The following CAMTA1 variants were observed in gnomAD, a reference collection of about 807,000 sequenced individuals.
CAMTA1 encodes calmodulin binding transcription activator 1.
CAMTA1 carries 27 observed loss-of-function variants against 170.9 expected under a neutral mutation model. The ratio of observed to expected loss-of-function variants is 0.16; its 90% CI spans 0.12 to 0.22. The LOEUF (loss-of-function observed/expected upper bound fraction) is 0.22, where lower values mean the gene tolerates loss of function less well. Among genes scored for constraint, CAMTA1 ranks in the 10% least tolerant of loss-of-function variants. The probability of loss-of-function intolerance (pLI) is 1.00; values close to 1 mark genes in which losing one functional copy is unlikely to be tolerated. For synonymous variants in CAMTA1, 833 were observed against 891.5 expected (o/e 0.93, Z 1.17); for missense variants, 1,619 against 2,217.2 (o/e 0.73, Z 5.42).
intron 3 of CAMTA1, among the ~76,000 whole-genome samples, chr1:6,870,443 AATC>A (rs1668083543): frequency 6.6e-6 from 1 of 152,198 alleles, no homozygotes; most frequent in African/African-American, 2.4e-5. Flanking sequence ...AACAAAACCT[AATC>A]ACAGGAACAA....
chr1:7,222,968 A>G (rs1661063990), intron 4 of CAMTA1, among the ~76,000 whole-genome samples: 1 of 152,240 alleles, frequency 6.6e-6, no homozygotes, highest in East Asian at 1.9e-4. Context: ...TGACCAGAAA[A>G]TACCAACTCA....
At chr1:7,076,205 C>A (rs1054085746) in intron 3 of CAMTA1, among the ~76,000 whole-genome samples, 5 of 152,184 alleles carry the variant, frequency 3.3e-5, no homozygotes, top group Non-Finnish European at 5.9e-5. Context: ...TCACGTTGGA[C>A]AAGAAGGGCC....
At chr1:6,951,558 A>C (rs184556141) in intron 3 of CAMTA1, among the ~76,000 whole-genome samples, 1 of 152,168 alleles carries the variant, frequency 6.6e-6, no homozygotes, top group Non-Finnish European at 1.5e-5. Context: ...CCCCAGGACT[A>C]TTGGGAAGAA....
At chr1:7,711,881 A>C (rs1025043155) in intron 11 of CAMTA1, among the ~76,000 whole-genome samples, 4 of 152,232 alleles carry the variant, frequency 2.6e-5, no homozygotes, top group Non-Finnish European at 5.9e-5. Context: ...TATTTCCCAG[A>C]AAAACAGTGC....
chr1:7,473,828 T>C (rs935149538), intron 6 of CAMTA1, among the ~76,000 whole-genome samples: 6 of 152,248 alleles, frequency 3.9e-5, no homozygotes, highest in Admixed American at 6.5e-5. Flanking sequence ...AGTGTAGTTT[T>C]TCTCCACTGA....
intron 4 of CAMTA1, among the ~76,000 whole-genome samples, chr1:7,138,870 C>T (rs1181301634): frequency 6.6e-6 from 1 of 151,574 alleles, no homozygotes; most frequent in African/African-American, 2.4e-5. Flanking sequence ...TGGTGTGTGC[C>T]TGTAATCCCA....
chr1:7,611,155 G>C (rs1229537117), intron 6 of CAMTA1, among the ~76,000 whole-genome samples: 4 of 152,278 alleles, frequency 2.6e-5, no homozygotes, highest in Admixed American at 2.0e-4. Flanking sequence ...CTGGGCCATG[G>C]TGCGGGCCTA....
intron 5 of CAMTA1, among the ~76,000 whole-genome samples, chr1:7,338,913 G>A (rs1476582964): frequency 1.3e-5 from 2 of 152,194 alleles, no homozygotes; most frequent in East Asian, 3.8e-4. Context: ...AGCATGGCTG[G>A]AGAGGCCTCA....
intron 11 of CAMTA1, among the ~76,000 whole-genome samples, chr1:7,687,634 G>A (rs1372095677): frequency 1.3e-5 from 2 of 152,152 alleles, no homozygotes; most frequent in African/African-American, 2.4e-5. Context: ...CCCGTCCCCT[G>A]CTTTTCCCAT....
chr1:6,995,543 C>T (rs763795653), intron 3 of CAMTA1, among the ~76,000 whole-genome samples: 2 of 152,056 alleles, frequency 1.3e-5, no homozygotes, highest in Non-Finnish European at 2.9e-5. Context: ...ACCTCGTGAT[C>T]CGCCTGCCTT....
chr1:7,514,936 C>A (rs1282391280), intron 6 of CAMTA1, among the ~76,000 whole-genome samples: 1 of 152,192 alleles, frequency 6.6e-6, no homozygotes, highest in Non-Finnish European at 1.5e-5. Context: ...GTCTGTTCCT[C>A]CTACTCCCCT....
chr1:6,975,805 A>G (rs1289378758), intron 3 of CAMTA1, among the ~76,000 whole-genome samples: 1 of 152,138 alleles, frequency 6.6e-6, no homozygotes, highest in Non-Finnish European at 1.5e-5. Context: ...TATCACCCCC[A>G]AGCCCCCAAC....
intron 6 of CAMTA1, among the ~76,000 whole-genome samples, chr1:7,506,470 C>T (rs2094112243): frequency 6.6e-6 from 1 of 151,988 alleles, no homozygotes; most frequent in African/African-American, 2.4e-5. Context: ...CTCATACTAA[C>T]ACTCAAAATT....
At chr1:7,698,037 C>A (rs2096395052) in intron 11 of CAMTA1, among the ~76,000 whole-genome samples, 1 of 149,688 alleles carries the variant, frequency 6.7e-6, no homozygotes, top group South Asian at 2.1e-4. Context: ...AGCATAGGGG[C>A]ACCTGCTCTG....
chr1:6,799,731 A>G (rs1002440936), intron 1 of CAMTA1, among the ~76,000 whole-genome samples: 9 of 152,134 alleles, frequency 5.9e-5, no homozygotes, highest in Admixed American at 5.9e-4. Context: ...ATAAAACAGA[A>G]CAGTTGCAGC....
chr1:7,375,254 G>A (rs542623371), intron 5 of CAMTA1, among the ~76,000 whole-genome samples: 5 of 152,240 alleles, frequency 3.3e-5, no homozygotes, highest in African/African-American at 7.2e-5. Flanking sequence ...ATAGGGCACC[G>A]TGGGGCACAT....
rs143464193 is a variant in CAMTA1 at position 6,865,966 on chromosome 1, T to G, written c.234+40756T>G. Among the ~76,000 whole-genome samples the G allele has an allele frequency of 1.3e-3, 198 of 152,300 alleles. 3 individuals carry two copies. In the East Asian group the frequency reaches 0.019, roughly 15 times the overall value. On this transcript the variant is annotated intron_variant, in intron 3 of 22. Transcript: ENST00000303635. The stretch of plus-strand genomic sequence containing the variant: ...AAGACTTTTTAGGTATCTTGGCATT[T>G]AAAAAAATGTAATAGTCTTTAGAGG...
At chr1:7,356,697 C>T (rs1199923006) in intron 5 of CAMTA1, among the ~76,000 whole-genome samples, 1 of 152,216 alleles carries the variant, frequency 6.6e-6, no homozygotes, top group Non-Finnish European at 1.5e-5. Flanking sequence ...TGCCCCATTC[C>T]TGGTGGCTGC....
At chr1:6,891,135 T>C (rs1010666710) in intron 3 of CAMTA1, among the ~76,000 whole-genome samples, 7 of 152,142 alleles carry the variant, frequency 4.6e-5, no homozygotes, top group African/African-American at 1.7e-4. Flanking sequence ...AAGGCAAGCC[T>C]CCCCACCTTG....
Sources: allele counts gnomAD v4.1 joint callset (sites outside exome capture counted in the v4.1 genomes callset), GRCh38; gene constraint gnomAD v4.1.1; transcripts MANE v1.5; gene names NCBI Gene and HGNC (gene_info 2026-07-23, HGNC 2026-07-21).